PDE4D: variants seen among roughly 807,000 people sequenced by gnomAD.
The protein encoded by PDE4D is 3',5'-cyclic-AMP phosphodiesterase 4D.
In PDE4D, 24 loss-of-function variants were observed where a neutral mutation model predicts 87.4. That is an observed-to-expected ratio of 0.27 (90% CI 0.20 to 0.39). PDE4D has a LOEUF of 0.39. Ranked by LOEUF, PDE4D falls within the 10% of genes least tolerant of loss-of-function variation. The pLI is 1.00. For missense variants in PDE4D, 714 were observed against 1,041.0 expected, an observed-to-expected ratio of 0.69 and a Z score of 4.32; for synonymous variants, 384 against 383.2, an observed-to-expected ratio of 1.00 and a Z score of -0.02.
chr5:59,258,008 A>G (rs1761300092), intron 1 of PDE4D, among the ~76,000 whole-genome samples: 1 of 151,966 alleles, frequency 6.6e-6, no homozygotes, highest in African/African-American at 2.4e-5. Context: ...ACGTTGTCCA[A>G]CTTTTCACTG....
intron 1 of PDE4D, among the ~76,000 whole-genome samples, chr5:60,354,825 A>G (rs1450485807): frequency 6.6e-6 from 1 of 152,172 alleles, no homozygotes; most frequent in African/African-American, 2.4e-5. Flanking sequence ...TCTGTTGGAC[A>G]CTGAAATTAA....
chr5:59,566,534 A>G lies in PDE4D; in HGVS notation c.455+326634T>C, dbSNP rs377233060. Among the ~76,000 whole-genome samples the G allele has an allele frequency of 3.3e-3, 465 of 140,796 alleles. 8 individuals carry two copies. The highest frequency in any genetic ancestry group is 0.012 in the African/African-American group (442 of 37,308). The allele number at this position is 140,796 out of a possible 152,430, so 92.4% of individuals were successfully genotyped here. A position where few individuals can be genotyped will look rare whatever the true frequency, so the allele number is the denominator to read the frequency against. On this transcript the variant is annotated intron_variant, in intron 1 of 14. Transcript: ENST00000340635. ...TAGCATCTGATCCAGTCACAGTTTC[A>G]TGTGTGTGTGTGTGTGTGTGTGTGT...
chr5:60,447,564 C>A (rs1243376402), intron 1 of PDE4D, among the ~76,000 whole-genome samples: 1 of 150,854 alleles, frequency 6.6e-6, no homozygotes, highest in Non-Finnish European at 1.5e-5. Context: ...AGAAAGAAAA[C>A]AAATACCCAC....
intron 1 of PDE4D, among the ~76,000 whole-genome samples, chr5:59,432,529 C>A (rs1048109137): frequency 6.6e-6 from 1 of 152,090 alleles, no homozygotes; most frequent in Admixed American, 6.6e-5. Flanking sequence ...TAGGCTATGG[C>A]AGTTCATATT....
chr5:59,288,262 A>T (rs1767365485), intron 1 of PDE4D, among the ~76,000 whole-genome samples: 1 of 152,034 alleles, frequency 6.6e-6, no homozygotes, highest in Non-Finnish European at 1.5e-5. Context: ...AAATAATTTA[A>T]AAGAATCAAG....
At chr5:60,377,051 G>T (rs1188395777) in intron 1 of PDE4D, among the ~76,000 whole-genome samples, 2 of 152,204 alleles carry the variant, frequency 1.3e-5, no homozygotes, top group African/African-American at 4.8e-5. Context: ...TATTTTGTTA[G>T]TTAACTGTAA....
rs138441536 is a variant in PDE4D, at chr5:59,371,215, T to A, written c.456-155247A>T. Among the ~76,000 whole-genome samples the A allele has an allele frequency of 6.8e-4, 103 of 152,334 alleles. 1 individual carries two copies. Among genetic ancestry groups the A allele is most frequent in the African/African-American group, 2.4e-3 (101 of 41,574 alleles). On this transcript the variant is annotated intron_variant, in intron 1 of 14. Transcript: ENST00000340635. ...AAAGAAAGGAAAGAAAGGTTGAGAC[T>A]GGACTGTGAAGGAACTTGAATGATA... is the stretch of plus-strand genomic sequence containing the variant.
intron 1 of PDE4D, among the ~76,000 whole-genome samples, chr5:59,736,915 A>G (rs1758150665): frequency 6.6e-6 from 1 of 152,188 alleles, no homozygotes; most frequent in Non-Finnish European, 1.5e-5. Flanking sequence ...TTTTGGAGGC[A>G]GTCTTCAAAC....
chr5:60,344,229 A>G (rs79666826), intron 1 of PDE4D, among the ~76,000 whole-genome samples: 1 of 152,144 alleles, frequency 6.6e-6, no homozygotes, highest in Non-Finnish European at 1.5e-5. Context: ...CATACTTGCT[A>G]TCTTGCTGCC....
intron 1 of PDE4D, among the ~76,000 whole-genome samples, chr5:59,232,028 G>A (rs918332505): frequency 1.1e-4 from 16 of 152,272 alleles, no homozygotes; most frequent in African/African-American, 3.9e-4. Flanking sequence ...GATTACAGAA[G>A]ACACACAGAA....
intron 5 of PDE4D, among the ~76,000 whole-genome samples, chr5:59,124,908 T>A (rs534126706): frequency 3.3e-4 from 50 of 152,338 alleles, no homozygotes; most frequent in African/African-American, 1.2e-3. Flanking sequence ...ATGGCAAATG[T>A]TAATGTTTGT....
At chr5:60,319,598 C>T (rs867651475) in intron 1 of PDE4D, among the ~76,000 whole-genome samples, 8 of 152,078 alleles carry the variant, frequency 5.3e-5, no homozygotes, top group Non-Finnish European at 8.8e-5. Context: ...TCTGTTTTTT[C>T]CCTATCTTTG....
At chr5:60,397,514 T>C (rs1313165941) in intron 1 of PDE4D, among the ~76,000 whole-genome samples, 4 of 152,206 alleles carry the variant, frequency 2.6e-5, no homozygotes, top group Admixed American at 2.0e-4. Flanking sequence ...GAGGACATCA[T>C]ATTAAGTGAA....
In PDE4D at chr5:60,154,163, A is replaced by G. The variant is rs537834726; in HGVS notation, c.42+31394T>C. Among the ~76,000 whole-genome samples the G allele has an allele frequency of 4.9e-4, 75 of 152,338 alleles. 1 individual carries two copies. In the South Asian group the frequency reaches 0.012, roughly 25 times the overall value. ...TTTTCAAAAAGACTTACTGCTTCCC[A>G]TGGCATCATGAGATCATATCAGGAG... On this transcript the variant is annotated intron_variant, in intron 2 of 16. Transcript: ENST00000502484.
intron 1 of PDE4D, among the ~76,000 whole-genome samples, chr5:59,424,815 CAAG>C (rs1203414628): frequency 6.6e-6 from 1 of 152,180 alleles, no homozygotes. Context: ...TGAAAACACA[CAAG>C]TAGTCACACA....
chr5:59,242,825 T>C (rs1171420357), intron 1 of PDE4D, among the ~76,000 whole-genome samples: 1 of 152,158 alleles, frequency 6.6e-6, no homozygotes, highest in East Asian at 1.9e-4. Flanking sequence ...AAATAAATTA[T>C]GGACAGATGT....
At chr5:60,225,636 C>T (rs1032709034) in intron 1 of PDE4D, among the ~76,000 whole-genome samples, 1 of 152,066 alleles carries the variant, frequency 6.6e-6, no homozygotes, top group Non-Finnish European at 1.5e-5. Context: ...AAGCTGAGAA[C>T]CCAACTCCTC....
chr5:59,490,984 G>C (rs1806084796), intron 1 of PDE4D, among the ~76,000 whole-genome samples: 1 of 152,186 alleles, frequency 6.6e-6, no homozygotes, highest in Admixed American at 6.5e-5. Flanking sequence ...CTTACTAGCA[G>C]AGTGAGATTG....
chr5:59,691,370 C>G (rs1193931671), intron 1 of PDE4D, among the ~76,000 whole-genome samples: 1 of 152,028 alleles, frequency 6.6e-6, no homozygotes, highest in Non-Finnish European at 1.5e-5. Context: ...CACATATACA[C>G]CATGGAATAC....
Sources: allele counts gnomAD v4.1 joint callset (sites outside exome capture counted in the v4.1 genomes callset), GRCh38; gene constraint gnomAD v4.1.1; transcripts MANE v1.5; gene names NCBI Gene and HGNC (gene_info 2026-07-23, HGNC 2026-07-21).